NDST4: variants seen among roughly 807,000 people sequenced by gnomAD.
The protein encoded by NDST4 is N-deacetylase and N-sulfotransferase 4.
A neutral mutation model predicts 100.8 loss-of-function variants in NDST4; 63 were observed. That is an observed-to-expected ratio of 0.62 (90% CI 0.51 to 0.77). The LOEUF is 0.77. NDST4 is among the 30% of genes least tolerant of loss of function. The pLI, the probability that NDST4 is intolerant of heterozygous loss-of-function variation, is 0.00. For missense variants in NDST4, 943 were observed against 1,018.4 expected (o/e 0.93, Z 1.01); for synonymous variants, 377 against 361.8 (o/e 1.04, Z -0.48).
At chr4:115,035,316 A>G (rs1490251199) in intron 2 of NDST4, among the ~76,000 whole-genome samples, 5 of 152,130 alleles carry the variant, frequency 3.3e-5, no homozygotes, top group Non-Finnish European at 7.4e-5. Flanking sequence ...ATTGCATCAG[A>G]TAGAATTTCA....
intron 7 of NDST4, among the ~76,000 whole-genome samples, chr4:114,858,241 G>A (rs1723841049): frequency 6.6e-6 from 1 of 152,198 alleles, no homozygotes; most frequent in East Asian, 1.9e-4. Context: ...CTGTGATAAT[G>A]AAAAGGGCAT....
chr4:114,997,147 T>G (rs1424049527), intron 2 of NDST4, among the ~76,000 whole-genome samples: 2 of 152,052 alleles, frequency 1.3e-5, no homozygotes, highest in Non-Finnish European at 2.9e-5. Flanking sequence ...TTTTCTAACT[T>G]CGGAGCTTTT....
intron 2 of NDST4, among the ~76,000 whole-genome samples, chr4:115,042,901 A>G (rs1285038153): frequency 6.6e-6 from 1 of 152,038 alleles, no homozygotes; most frequent in Non-Finnish European, 1.5e-5. Context: ...CTAGTGTTTC[A>G]TTATTATGTA....
rs1307930043 is a variant in NDST4 at position 115,010,392 on chromosome 4, T to C, written c.979-33118A>G. On this transcript the variant is annotated intron_variant, in intron 2 of 13. Transcript: ENST00000264363. ...TGAGTTCATGTCCTCTGTAAGGACA[T>C]GGATGAAATTTGAAATCATCATTCT... is the stretch of plus-strand genomic sequence containing the variant. 4.7e-5 allele frequency among the ~76,000 whole-genome samples: 6 copies of C among 128,740 alleles called. 3 individuals are homozygous for C. The highest frequency in any genetic ancestry group is 6.6e-5 in the Non-Finnish European group (4 of 60,190). 84.5% of individuals were successfully genotyped at this position (128,740 alleles called of 152,430 possible). A position where few individuals can be genotyped will look rare whatever the true frequency, so the allele number is the denominator to read the frequency against.
chr4:114,976,340 A>G (rs1479980364), intron 3 of NDST4, among the ~76,000 whole-genome samples: 1 of 152,058 alleles, frequency 6.6e-6, no homozygotes, highest in Non-Finnish European at 1.5e-5. Context: ...GCACAAATAG[A>G]AGCAGATTAT....
chr4:114,875,710 A>C (rs1724241207), intron 6 of NDST4, among the ~76,000 whole-genome samples: 1 of 152,182 alleles, frequency 6.6e-6, no homozygotes, highest in African/African-American at 2.4e-5. Flanking sequence ...TGAAGCTGCT[A>C]ATATCCAAAA....
intron 2 of NDST4, among the ~76,000 whole-genome samples, chr4:114,999,205 G>A (rs11940470): frequency 0.021 from 3,199 of 152,080 alleles, 121 homozygotes; most frequent in African/African-American, 0.074. Context: ...GGCTTCCATA[G>A]GAATTAGCAG....
chr4:114,971,721 A>G (rs531675457), intron 3 of NDST4, among the ~76,000 whole-genome samples: 5 of 152,120 alleles, frequency 3.3e-5, no homozygotes, highest in African/African-American at 1.2e-4. Context: ...AATATTAAAG[A>G]TGGTTATAAG....
At chr4:114,950,820 C>T (rs1024607154) in intron 4 of NDST4, among the ~76,000 whole-genome samples, 6 of 151,754 alleles carry the variant, frequency 4.0e-5, no homozygotes, top group African/African-American at 1.2e-4. Flanking sequence ...TTATAACAAA[C>T]AAGTGTCTCT....
chr4:114,914,537 A>G (rs1725128956), intron 6 of NDST4, among the ~76,000 whole-genome samples: 1 of 152,176 alleles, frequency 6.6e-6, no homozygotes, highest in Admixed American at 6.5e-5. Context: ...TTCATTACCC[A>G]TAGGAGGAGA....
chr4:114,919,385 A>C (rs1297835158), intron 6 of NDST4, among the ~76,000 whole-genome samples: 1 of 152,212 alleles, frequency 6.6e-6, no homozygotes, highest in Non-Finnish European at 1.5e-5. Flanking sequence ...GACTGGAAAA[A>C]GGTGGACAAC....
At chr4:114,870,743 C>A (rs765614476) in intron 7 of NDST4, 25 bp downstream of exon 7, 7 of 1,574,370 alleles carry the variant, frequency 4.4e-6, no homozygotes, top group Non-Finnish European at 6.0e-6. Flanking sequence ...TTCCTTCCAC[C>A]CCAAGAGAGA....
intron 2 of NDST4, among the ~76,000 whole-genome samples, chr4:114,998,981 C>T (rs1465799773): frequency 2.6e-5 from 4 of 151,970 alleles, no homozygotes; most frequent in Non-Finnish European, 4.4e-5. Context: ...ATATCATAAT[C>T]ACACAAGATT....
intron 6 of NDST4, among the ~76,000 whole-genome samples, chr4:114,914,272 C>T (rs1045303250): frequency 6.6e-6 from 1 of 151,974 alleles, no homozygotes; most frequent in African/African-American, 2.4e-5. Context: ...TGTGATAGCA[C>T]AACAGGGTCA....
At chr4:115,048,741 G>A (rs1457981074) in intron 2 of NDST4, among the ~76,000 whole-genome samples, 4 of 152,064 alleles carry the variant, frequency 2.6e-5, no homozygotes, top group East Asian at 1.9e-4. Context: ...TGGTTCAAGC[G>A]ATTCTCCTGT....
intron 6 of NDST4, among the ~76,000 whole-genome samples, chr4:114,928,746 C>A (rs1042508004): frequency 2.0e-5 from 3 of 151,960 alleles, no homozygotes; most frequent in Non-Finnish European, 1.5e-5. Flanking sequence ...GTTGAAGGCC[C>A]GAATAAAACA....
At chr4:115,075,803 A>AAAAAAT (rs1553921570) in intron 2 of NDST4, among the ~76,000 whole-genome samples, 1 of 149,424 alleles carries the variant, frequency 6.7e-6, no homozygotes, top group African/African-American at 2.5e-5. Context: ...AAAAAAAAAA[A>AAAAAAT]GGCAAAGAGA....
intron 1 of NDST4, among the ~76,000 whole-genome samples, chr4:115,087,688 C>T (rs913513598): frequency 6.6e-6 from 1 of 151,606 alleles, no homozygotes; most frequent in Admixed American, 6.6e-5. Flanking sequence ...CAAAGGATGA[C>T]TGAGGAAATA....
intron 9 of NDST4, 142 bp from the exon 10 acceptor site, chr4:114,846,139 C>G (rs1377511200): frequency 1.3e-6 from 1 of 743,978 alleles, no homozygotes; most frequent in East Asian, 2.8e-5. Flanking sequence ...AATAGATATT[C>G]TATACACATT....
Sources: allele counts gnomAD v4.1 joint callset (sites outside exome capture counted in the v4.1 genomes callset), GRCh38; gene constraint gnomAD v4.1.1; transcripts MANE v1.5; gene names NCBI Gene and HGNC (gene_info 2026-07-23, HGNC 2026-07-21).